Variants in MTCL1 observed in about 807,000 individuals in gnomAD.
The protein encoded by MTCL1 is microtubule crosslinking factor 1, also known as microtubule cross-linking factor 1.
Under a neutral mutation model 141.4 loss-of-function variants are expected in MTCL1, and 79 were observed. That is an observed-to-expected ratio of 0.56 (90% CI 0.47 to 0.67). The LOEUF is 0.67. Ranked by LOEUF, MTCL1 falls within the 30% of genes least tolerant of loss-of-function variation. The probability of loss-of-function intolerance (pLI) is 0.00; values close to 1 mark genes in which losing one functional copy is unlikely to be tolerated. For synonymous variants in MTCL1, 914 were observed against 875.8 expected (o/e 1.04, Z -0.77); for missense variants, 2,177 against 2,113.9 (o/e 1.03, Z -0.59).
intron 16 of MTCL1, chr18:8,829,611 GAT>G (rs1210207549): frequency 7.1e-6 from 7 of 985,214 alleles, no homozygotes; most frequent in African/African-American, 1.7e-5. Flanking sequence ...CATGAGAAAA[GAT>G]ATACTTTTTG....
chr18:8,768,328 T>C (rs2096468784), intron 4 of MTCL1, among the ~76,000 whole-genome samples: 1 of 152,250 alleles, frequency 6.6e-6, no homozygotes, highest in Non-Finnish European at 1.5e-5. Context: ...TTTTTGTTTA[T>C]ATCTTTTTTG....
intron 4 of MTCL1, among the ~76,000 whole-genome samples, chr18:8,747,030 ACGATGCTCACCCTTC>A (rs1178320002): frequency 6.6e-6 from 1 of 152,022 alleles, no homozygotes; most frequent in Non-Finnish European, 1.5e-5. Context: ...GGGTATCGCG[ACGATGCTCACCCTTC>A]CGATGTCCTG....
chr18:8,829,299 C>A (rs2077123942), intron 16 of MTCL1: 1 of 985,310 alleles, frequency 1.0e-6, no homozygotes, highest in African/African-American at 1.7e-5. Flanking sequence ...GCACAGGGGT[C>A]TTGCCTGAGG....
rs147690676 is a variant in MTCL1 at position 8,831,735 on chromosome 18, C to T, written c.*147C>T. 1.2e-4 allele frequency: 184 copies of T among 1,550,548 alleles called. No individual in the cohort carries two copies. In the East Asian group the frequency reaches 3.3e-3, roughly 28 times the overall value. On this transcript the variant is annotated 3_prime_UTR_variant, in exon 17 of 17. Transcript: ENST00000359865. ...CCACTGCCTCACAGCCTCAGTCACC[C>T]GGAGACCCGACGTCCTTGGAGGAGC...
Position 8,779,479 on chromosome 18 carries a change from C to T in MTCL1, c.417+1587C>T, listed in dbSNP as rs2096525395. ...GTTACAAGATAAGATGGGCATCCAGCCTCCCGCTGCCTGAGCTGAAGCTGT... is the reference window on the plus strand; with the variant it reads ...GTTACAAGATAAGATGGGCATCCAGTCTCCCGCTGCCTGAGCTGAAGCTGT... On this transcript the variant is annotated intron_variant, in intron 5 of 16. Coordinates refer to ENST00000359865, the Ensembl canonical transcript of MTCL1. This position sits in a 1 kb window ranked among gnomAD's most constrained non-coding sequence, Gnocchi z 4.1. Among the ~76,000 whole-genome samples the T allele has an allele frequency of 6.6e-6, 1 of 152,174 alleles. No homozygotes were observed. Among genetic ancestry groups the T allele is most frequent in the Non-Finnish European group, 1.5e-5 (1 of 68,040 alleles).
intron 4 of MTCL1, among the ~76,000 whole-genome samples, chr18:8,764,599 T>C (rs1268656873): frequency 6.6e-6 from 1 of 152,180 alleles, no homozygotes; most frequent in African/African-American, 2.4e-5. Flanking sequence ...ATTACAGACA[T>C]GAGCCACTGG....
At chr18:8,762,776 C>T (rs959395829) in intron 4 of MTCL1, among the ~76,000 whole-genome samples, 10 of 152,048 alleles carry the variant, frequency 6.6e-5, no homozygotes, top group African/African-American at 1.9e-4. Context: ...GAGCCCCTCT[C>T]GGTGAGGGGC....
At chr18:8,829,054 G>A (rs1347117910) in intron 16 of MTCL1, 3 of 1,603,086 alleles carry the variant, frequency 1.9e-6, no homozygotes, top group African/African-American at 2.7e-5. Context: ...ACCTGAGGGA[G>A]TTCTGCCCGG....
chr18:8,826,325 G>T, intron 15 of MTCL1, 93 bp downstream of exon 14: 1 of 1,196,894 alleles, frequency 8.4e-7, no homozygotes, highest in South Asian at 1.6e-5. Flanking sequence ...TCTGTCATTT[G>T]ATCTCAGGAA....
rs180953129 is a variant in MTCL1, at chr18:8,827,188, G to A, written c.4722+956G>A. On this transcript the variant is annotated intron_variant, in intron 15 of 16. Transcript: ENST00000359865. ...ATGGCGGGGGTCAGAGGAGGAGGAGGACGGCAGCTTGCTCCTGGTCTGCCC... is the reference window on the plus strand; with the variant it reads ...ATGGCGGGGGTCAGAGGAGGAGGAGAACGGCAGCTTGCTCCTGGTCTGCCC... 1.8e-4 allele frequency among the ~76,000 whole-genome samples: 28 copies of A among 152,338 alleles called. No individual in the cohort carries two copies. In the East Asian group the frequency reaches 4.6e-3, roughly 25 times the overall value.
intron 1 of MTCL1, among the ~76,000 whole-genome samples, chr18:8,710,837 CTTTTTTTTTT>C (rs59041416): frequency 6.2e-5 from 5 of 80,934 alleles, no homozygotes; most frequent in Admixed American, 2.9e-4. Flanking sequence ...GGAAGGCTTT[CTTTTTTTTTT>C]TTTTTTTTTT....
upstream of MTCL1, among the ~76,000 whole-genome samples, chr18:8,715,724 G>A (rs766590736): frequency 1.3e-4 from 20 of 152,258 alleles, no homozygotes; most frequent in East Asian, 5.8e-4. Context: ...CCACTCTATC[G>A]AAAGAGTGAC....
At chr18:8,786,348 C>T (rs572084866) in intron 7 of MTCL1, 27 of 681,020 alleles carry the variant, frequency 4.0e-5, no homozygotes, top group South Asian at 3.5e-4. Flanking sequence ...CTCCTGTTTC[C>T]GCAGACCGGG....
intron 12 of MTCL1, among the ~76,000 whole-genome samples, chr18:8,818,230 C>T (rs989527645): frequency 4.6e-5 from 7 of 152,226 alleles, no homozygotes; most frequent in Admixed American, 1.3e-4. Flanking sequence ...CAGCAAGCCA[C>T]ACGTTAATGG....
At chr18:8,768,842 A>AGT (rs1555646539) in intron 4 of MTCL1, among the ~76,000 whole-genome samples, 6 of 129,694 alleles carry the variant, frequency 4.6e-5, no homozygotes, top group Non-Finnish European at 7.7e-5. Flanking sequence ...CCCAGGCTGG[A>AGT]GTGCAGTGGC....
exon 6 of MTCL1, chr18:8,783,885 G>C: frequency 6.2e-7 from 1 of 1,613,232 alleles, no homozygotes; most frequent in Non-Finnish European, 8.5e-7. Context: ...CACGCACCCA[G>C]CATTCCTACC....
At position 8,756,529 on chromosome 18, in the gene MTCL1, G is replaced by GTATATA. The variant is rs1428412311; in HGVS notation, c.358-21303_358-21302insATATAT. Among the ~76,000 whole-genome samples the GTATATA allele has an allele frequency of 1.9e-3, 276 of 142,714 alleles. 1 individual carries two copies. Among genetic ancestry groups the GTATATA allele is most frequent in the African/African-American group, 8.3e-3 (271 of 32,820 alleles). The allele number at this position is 142,714 out of a possible 152,430, so 93.6% of individuals were successfully genotyped here. A position where few individuals can be genotyped will look rare whatever the true frequency, so the allele number is the denominator to read the frequency against. ...TGTATATATATGTGTGTATATATGTGTGTGTATATATGTGTATATATATGT... is the reference window on the plus strand; with the variant it reads ...TGTATATATATGTGTGTATATATGTGTATATATGTGTATATATGTGTATATATATGT... On this transcript the variant is annotated intron_variant, in intron 4 of 16. Coordinates refer to ENST00000359865, the Ensembl canonical transcript of MTCL1.
At chr18:8,829,791 C>T (rs1261861368) in intron 16 of MTCL1, 1 of 985,080 alleles carries the variant, frequency 1.0e-6, no homozygotes, top group Non-Finnish European at 1.2e-6. Flanking sequence ...GACACCATGC[C>T]ATGCAGCGAC....
At chr18:8,755,183 C>T (rs956292638) in intron 4 of MTCL1, among the ~76,000 whole-genome samples, 3 of 152,342 alleles carry the variant, frequency 2.0e-5, no homozygotes, top group Middle Eastern at 3.4e-3. Context: ...CTCAGCGCCA[C>T]CAAAGGACTT....
Sources: gnomAD v4.1 joint callset for allele counts (sites outside exome capture counted in the v4.1 genomes callset) on GRCh38, gnomAD v4.1.1 for gene constraint, Gnocchi (gnomAD v3.1) non-coding constraint, MANE v1.5 for transcripts, NCBI Gene and HGNC (gene_info 2026-07-23, HGNC 2026-07-21) for gene names.